CEBPZOS: variants seen among roughly 807,000 people sequenced by gnomAD.
CEBPZOS encodes protein CEBPZOS.
In CEBPZOS, 10 loss-of-function variants were observed where a neutral mutation model predicts 4.8. The observed-to-expected ratio is 2.07, with a 90% CI of 1.28 to 3.52. The LOEUF is 3.52. Ranked by LOEUF, CEBPZOS falls within the 30% of genes most tolerant of loss-of-function variation. The probability of loss-of-function intolerance (pLI) is 0.00; values close to 1 mark genes in which losing one functional copy is unlikely to be tolerated. For synonymous variants in CEBPZOS, 25 were observed against 14.2 expected (o/e 1.77, Z -1.72); for missense variants, 98 against 43.6 (o/e 2.25, Z -3.51).
exon 5 of CEBPZOS, chr2:37,213,558 C>T (rs1277943086): frequency 3.3e-5 from 7 of 210,984 alleles, no homozygotes; most frequent in South Asian, 6.6e-5. Flanking sequence ...ACTACAGGTG[C>T]GTGCCACCAT....
At chr2:37,208,804 AAGAG>A (rs1275862863), downstream of CEBPZOS, 1 of 152,152 alleles carries the variant, frequency 6.6e-6, no homozygotes, top group Non-Finnish European at 1.5e-5. Flanking sequence ...GCAACTGGAC[AAGAG>A]AAAGAAAGGG....
Position 37,202,963 on chromosome 2 carries a change from A to G in CEBPZOS, c.*1103A>G. 1 of 1,574,258 alleles carries G rather than the reference A, an allele frequency of 6.4e-7. No individual in the cohort carries two copies. The highest frequency in any genetic ancestry group is 2.3e-5 in the East Asian group (1 of 43,588). ...CATTAGCCTTACCTCTTCAGCAGAT[A>G]CAAATAGGCTGGAATCATTTAAGTT... On this transcript the variant is annotated 3_prime_UTR_variant, in exon 5 of 5. Transcript: ENST00000402297.
chr2:37,210,920 G>T, intron 4 of CEBPZOS: 1 of 942,328 alleles, frequency 1.1e-6, no homozygotes, highest in Non-Finnish European at 1.6e-6. Context: ...TCAAATTTAG[G>T]AGAGTTCATT....
At chr2:37,213,743 T>C, downstream of CEBPZOS, 2 of 654,094 alleles carry the variant, frequency 3.1e-6, no homozygotes, top group Non-Finnish European at 5.1e-6. Flanking sequence ...CCACTGTGAT[T>C]TGCATGATAT....
At position 37,204,122 on chromosome 2, in the gene CEBPZOS, GTTT is replaced by G. The variant is rs893317495; in HGVS notation, c.*2268_*2270del. On this transcript the variant is annotated 3_prime_UTR_variant, in exon 5 of 5. Transcript: ENST00000402297. ...AATACACATTTGCATGCATTAGGAA[GTTT>G]TTTTTGGGTTTTATTCATCCTGTAG... is the stretch of plus-strand genomic sequence containing the variant. 1.3e-5 allele frequency: 2 copies of G among 151,856 alleles called. No homozygotes were observed. Among genetic ancestry groups the G allele is most frequent in the African/African-American group, 4.8e-5 (2 of 41,322 alleles). The allele number at this position is 151,856 out of a possible 1,614,324, so 9.4% of individuals were successfully genotyped here.
Position 37,202,632 on chromosome 2 carries a change from G to A in CEBPZOS, c.*772G>A. 2.5e-6 allele frequency: 1 copy of A among 402,336 alleles called. No individual in the cohort carries two copies. Among genetic ancestry groups the A allele is most frequent in the South Asian group, 3.4e-5 (1 of 29,138 alleles). The allele number at this position is 402,336 out of a possible 1,614,324, so 24.9% of individuals were successfully genotyped here. A position where few individuals can be genotyped will look rare whatever the true frequency, so the allele number is the denominator to read the frequency against. On this transcript the variant is annotated 3_prime_UTR_variant, in exon 5 of 5. Transcript: ENST00000402297. ...TGCATTCCAACCTGGGCAAGGGAGT[G>A]AGACGCTGTCTCAAAAAAAAAAAAA...
chr2:37,206,959 G>A (rs1049858403), downstream of CEBPZOS, among the ~76,000 whole-genome samples: 1 of 152,126 alleles, frequency 6.6e-6, no homozygotes, highest in South Asian at 2.1e-4. Context: ...GGTGGGAAAA[G>A]ATATTCCATG....
In CEBPZOS at chr2:37,202,590, A is replaced by G. The variant is rs1341654662; in HGVS notation, c.*730A>G. 2.4e-6 allele frequency: 1 copy of G among 411,924 alleles called. No homozygotes were observed. Among genetic ancestry groups the G allele is most frequent in the African/African-American group, 2.3e-5 (1 of 43,946 alleles). 25.5% of individuals were successfully genotyped at this position (411,924 alleles called of 1,614,324 possible). ...AACATGGGAGATGGAGGTTGCAGTG[A>G]GCCAAGATCATGCCACTGCATTCCA... On this transcript the variant is annotated 3_prime_UTR_variant, in exon 5 of 5. Transcript: ENST00000402297.
downstream of CEBPZOS, among the ~76,000 whole-genome samples, chr2:37,205,098 A>T (rs767531191): frequency 2.6e-5 from 4 of 152,244 alleles, no homozygotes; most frequent in Non-Finnish European, 4.4e-5. Flanking sequence ...TATAATTTAA[A>T]TATGTATCAG....
At chr2:37,210,091 G>C (rs1048060686) in intron 4 of CEBPZOS, 6 of 152,158 alleles carry the variant, frequency 3.9e-5, no homozygotes, top group African/African-American at 1.4e-4. Flanking sequence ...CCTTACTCCT[G>C]CAAGAATGGC....
intron 4 of CEBPZOS, chr2:37,211,999 A>T: frequency 6.2e-7 from 1 of 1,610,096 alleles, no homozygotes. Context: ...TCTTCATCTA[A>T]TGTGTTATCC....
downstream of CEBPZOS, among the ~76,000 whole-genome samples, chr2:37,214,703 A>G (rs987944358): frequency 7.2e-5 from 11 of 152,160 alleles, no homozygotes; most frequent in Non-Finnish European, 1.5e-4. Context: ...AAATATGCTG[A>G]TTAGATTTCA....
At chr2:37,212,097 T>A (rs1238747824) in intron 4 of CEBPZOS, 5 of 1,436,540 alleles carry the variant, frequency 3.5e-6, no homozygotes, top group Non-Finnish European at 4.7e-6. Context: ...AAGTAGTGTT[T>A]TGCTGACTAC....
chr2:37,201,443 C>T, intron 3 of CEBPZOS, 199 bp from the exon 4 acceptor site: 1 of 539,716 alleles, frequency 1.9e-6, no homozygotes, highest in Non-Finnish European at 3.3e-6. Flanking sequence ...AACAAGATGA[C>T]ATCATGTAGT....
chr2:37,199,783 G>T lies in CEBPZOS; in HGVS notation c.79G>T (p.Ala27Ser). Residue 27 changes from alanine to serine, a missense_variant, in exon 2 of 5, where the codon GCA becomes TCA. Transcript: ENST00000402297. The part of the protein sequence containing the change: ...LVAELVGVFG[A>S]YFLFSKMHTS... ...AGCCGAACTTGTAGGCGTTTTTGGA[G>T]CATATTTTTTGTTTAGCAAGATGCA... 1.4e-6 allele frequency: 1 copy of T among 717,640 alleles called. No individual in the cohort carries two copies. The highest frequency in any genetic ancestry group is 2.6e-6 in the Non-Finnish European group (1 of 385,096). The allele number at this position is 717,640 out of a possible 1,614,324, so 44.5% of individuals were successfully genotyped here.
intron 1 of CEBPZOS, among the ~76,000 whole-genome samples, chr2:37,197,900 C>G (rs1677026516): frequency 6.6e-6 from 1 of 151,762 alleles, no homozygotes; most frequent in East Asian, 1.9e-4. Context: ...GTGGCCCACG[C>G]CTGTAATCCT....
intron 2 of CEBPZOS, among the ~76,000 whole-genome samples, chr2:37,200,807 G>A (rs1463751766): frequency 6.6e-6 from 1 of 152,200 alleles, no homozygotes; most frequent in Non-Finnish European, 1.5e-5. Context: ...GCCCAGGGGG[G>A]TCTAGGCAGT....
chr2:37,196,970 G>A (rs1676973598), intron 1 of CEBPZOS, among the ~76,000 whole-genome samples: 1 of 152,224 alleles, frequency 6.6e-6, no homozygotes, highest in South Asian at 2.1e-4. Flanking sequence ...ACGCTAAGCT[G>A]GGAGGCCGCC....
At chr2:37,206,216 A>C (rs1399063246), downstream of CEBPZOS, among the ~76,000 whole-genome samples, 1 of 152,238 alleles carries the variant, frequency 6.6e-6, no homozygotes, top group African/African-American at 2.4e-5. Context: ...TGGACAGAAC[A>C]GCGTGTGGCA....
Sources: allele counts gnomAD v4.1 joint callset (sites outside exome capture counted in the v4.1 genomes callset), GRCh38; gene constraint gnomAD v4.1.1; transcripts MANE v1.5; gene names NCBI Gene and HGNC (gene_info 2026-07-23, HGNC 2026-07-21).